PCDH15: variants seen among roughly 807,000 people sequenced by gnomAD.
PCDH15 encodes the protein protocadherin-15.
PCDH15 carries 129 observed loss-of-function variants against 178.5 expected under a neutral mutation model. The observed-to-expected ratio is 0.72, with a 90% CI of 0.63 to 0.84. The LOEUF is 0.84. Ranked by LOEUF, PCDH15 falls within the 40% of genes least tolerant of loss-of-function variation. PCDH15 has a pLI of 0.00. For synonymous variants in PCDH15, 800 were observed against 732.0 expected (o/e 1.09, Z -1.50); for missense variants, 2,230 against 2,099.9 (o/e 1.06, Z -1.21).
intron 27 of PCDH15, among the ~76,000 whole-genome samples, chr10:53,865,472 G>C (rs1416830074): frequency 6.6e-6 from 1 of 152,170 alleles, no homozygotes; most frequent in Non-Finnish European, 1.5e-5. Flanking sequence ...GTTTGAAATG[G>C]AGGTTATAAA....
chr10:54,522,896 G>T (rs918037873), intron 3 of PCDH15, among the ~76,000 whole-genome samples: 1 of 152,028 alleles, frequency 6.6e-6, no homozygotes, highest in African/African-American at 2.4e-5. Context: ...GACAAATTTG[G>T]GAGAATAATT....
intron 2 of PCDH15, among the ~76,000 whole-genome samples, chr10:54,903,456 G>C (rs956484100): frequency 1.3e-5 from 2 of 151,972 alleles, no homozygotes; most frequent in Non-Finnish European, 2.9e-5. Context: ...TGATCACTTT[G>C]TTCCCCATTA....
intron 20 of PCDH15, 36 bp downstream of exon 20, chr10:54,020,156 C>G (rs2092869835): frequency 6.3e-7 from 1 of 1,586,310 alleles, no homozygotes; most frequent in Admixed American, 1.7e-5. Flanking sequence ...GTAGAGAGAG[C>G]AAAGCAGGCA....
intron 20 of PCDH15, among the ~76,000 whole-genome samples, chr10:54,005,569 A>T (rs2660177): frequency 0.038 from 5,773 of 152,278 alleles, 277 homozygotes; most frequent in African/African-American, 0.12. Flanking sequence ...GCTCAACATC[A>T]TTGATCATCA....
At chr10:55,589,881 C>G (rs1207717633) in intron 2 of PCDH15, among the ~76,000 whole-genome samples, 16 of 149,660 alleles carry the variant, frequency 1.1e-4, no homozygotes, top group East Asian at 8.0e-4. Context: ...TAAACTAGTT[C>G]AACCATTGTG....
intron 2 of PCDH15, among the ~76,000 whole-genome samples, chr10:54,992,553 C>G (rs540449422): frequency 2.0e-5 from 3 of 151,994 alleles, no homozygotes; most frequent in Non-Finnish European, 2.9e-5. Flanking sequence ...GAGATTGAGA[C>G]CAGCCTGGCT....
At chr10:54,088,252 T>C (rs1164373216) in intron 16 of PCDH15, among the ~76,000 whole-genome samples, 2 of 152,180 alleles carry the variant, frequency 1.3e-5, no homozygotes, top group Non-Finnish European at 1.5e-5. Context: ...ACAAAGTATG[T>C]ATGAAGTCAA....
chr10:55,547,918 A>AGAGAGC (rs1841923499), intron 2 of PCDH15, among the ~76,000 whole-genome samples: 1 of 134,908 alleles, frequency 7.4e-6, no homozygotes, highest in Non-Finnish European at 1.5e-5. Flanking sequence ...TGTGAGAGAG[A>AGAGAGC]GAGAGAGAGA....
chr10:54,068,708 C>T (rs115966418), intron 17 of PCDH15, among the ~76,000 whole-genome samples: 76 of 152,158 alleles, frequency 5.0e-4, no homozygotes, highest in African/African-American at 1.4e-3. Flanking sequence ...GATCGAATAG[C>T]GACAGAAATG....
chr10:54,942,453 G>C (rs1004457196), intron 2 of PCDH15, among the ~76,000 whole-genome samples: 1 of 151,902 alleles, frequency 6.6e-6, no homozygotes, highest in African/African-American at 2.4e-5. Flanking sequence ...TGGGGACCAG[G>C]TTCATAGCTC....
chr10:55,589,570 A>G (rs1350669859), intron 2 of PCDH15, among the ~76,000 whole-genome samples: 6 of 152,236 alleles, frequency 3.9e-5, no homozygotes, highest in East Asian at 1.9e-4. Context: ...CTCATCTGAC[A>G]AAGGGCTAAT....
chr10:53,811,694 C>A (rs1383325216), intron 35 of PCDH15, 75 bp from the exon 36 acceptor site: 2 of 826,146 alleles, frequency 2.4e-6, no homozygotes, highest in East Asian at 3.0e-5. Flanking sequence ...GATTTCTACA[C>A]CTAGAATTCC....
At chr10:54,002,648 A>G (rs543368675) in intron 20 of PCDH15, among the ~76,000 whole-genome samples, 2 of 152,298 alleles carry the variant, frequency 1.3e-5, no homozygotes, top group South Asian at 4.1e-4. Flanking sequence ...CCAAATGATA[A>G]TGAAAATACA....
chr10:54,232,067 AG>A (rs150625710), intron 9 of PCDH15, among the ~76,000 whole-genome samples: 8,309 of 152,246 alleles, frequency 0.055, 562 homozygotes, highest in African/African-American at 0.17. Context: ...CAGAGGAACC[AG>A]GGGTTTCATG....
At chr10:54,070,489 C>T (rs2094218945) in intron 17 of PCDH15, among the ~76,000 whole-genome samples, 1 of 152,228 alleles carries the variant, frequency 6.6e-6, no homozygotes, top group Admixed American at 6.5e-5. Context: ...CAGGCGTGAG[C>T]CATCGCACCC....
At chr10:54,531,404 T>C (rs1589929584) in intron 2 of PCDH15, among the ~76,000 whole-genome samples, 1 of 152,142 alleles carries the variant, frequency 6.6e-6, no homozygotes, top group Non-Finnish European at 1.5e-5. Context: ...ATGCAATAGA[T>C]GGGATTTAAA....
intron 26 of PCDH15, among the ~76,000 whole-genome samples, chr10:53,875,858 A>T (rs2080191529): frequency 6.6e-6 from 1 of 152,168 alleles, no homozygotes; most frequent in African/African-American, 2.4e-5. Context: ...AATAGCCTAA[A>T]TAACTGTTCC....
intron 1 of PCDH15, among the ~76,000 whole-genome samples, chr10:55,182,312 T>C (rs1461892371): frequency 1.3e-5 from 2 of 151,956 alleles, no homozygotes; most frequent in Non-Finnish European, 2.9e-5. Flanking sequence ...TACTCTTCTA[T>C]CCTACTTTTC....
At chr10:55,200,854 C>T (rs1174045607) in intron 1 of PCDH15, among the ~76,000 whole-genome samples, 1 of 151,964 alleles carries the variant, frequency 6.6e-6, no homozygotes, top group Admixed American at 6.6e-5. Flanking sequence ...GTGGGCTTCC[C>T]CTTCCCCTTC....
Sources: gnomAD v4.1 joint callset for allele counts (sites outside exome capture counted in the v4.1 genomes callset) on GRCh38, gnomAD v4.1.1 for gene constraint, MANE v1.5 for transcripts, NCBI Gene and HGNC (gene_info 2026-07-23, HGNC 2026-07-21) for gene names.